The following NME8 variants were observed in gnomAD, a reference collection of about 807,000 sequenced individuals.
NME8 encodes the protein NME/NM23 family member 8.
In NME8, 72 loss-of-function variants were observed where a neutral mutation model predicts 82.3. The ratio of observed to expected loss-of-function variants is 0.87; its 90% confidence interval spans 0.72 to 1.06. The LOEUF is 1.06. NME8 is among the 50% of genes least tolerant of loss of function. The pLI, the probability that NME8 is intolerant of heterozygous loss-of-function variation, is 0.00. For missense variants in NME8, 712 were observed against 685.4 expected (o/e 1.04, Z -0.43); for synonymous variants, 267 against 228.5 (o/e 1.17, Z -1.52).
At chr7:37,874,719 C>G (rs184232657) in intron 11 of NME8, among the ~76,000 whole-genome samples, 2 of 151,780 alleles carry the variant, frequency 1.3e-5, no homozygotes, top group Admixed American at 6.6e-5. Context: ...TTAATTTTCC[C>G]GTCACATATA....
At chr7:37,886,249 A>G (rs1442533284) in intron 14 of NME8, among the ~76,000 whole-genome samples, 1 of 152,168 alleles carries the variant, frequency 6.6e-6, no homozygotes, top group East Asian at 1.9e-4. Flanking sequence ...ATAGAGTGCA[A>G]TGCATGCTAC....
At chr7:37,849,841 A>C in intron 2 of NME8, among the ~76,000 whole-genome samples, 1 of 146,118 alleles carries the variant, frequency 6.8e-6, no homozygotes, top group East Asian at 2.0e-4. Context: ...ACTGCACTCC[A>C]GTCTGGCAAC....
At chr7:37,875,267 G>A (rs1045895476) in intron 11 of NME8, among the ~76,000 whole-genome samples, 11 of 152,166 alleles carry the variant, frequency 7.2e-5, no homozygotes, top group African/African-American at 2.4e-4. Context: ...AGATAAGATG[G>A]TATTAGAAAA....
In NME8 at chr7:37,857,326, C is replaced by G; in HGVS notation, c.251C>G (p.Pro84Arg). 6.2e-7 allele frequency: 1 copy of G among 1,609,598 alleles called. No homozygotes were observed. The highest frequency in any genetic ancestry group is 8.5e-7 in the Non-Finnish European group (1 of 1,176,562). Residue 84 changes from proline (P) to arginine (R), a missense_variant, in exon 6 of 18, where the codon CCT becomes CGT. Transcript: ENST00000199447. ...TLQPFRDKCE[P>R]VFLFSVNGKI... ...CAGCCATTTAGAGATAAATGTGAACCTGTTTTTCTCTTTAGTGTTGTAAGT... is the reference window on the plus strand; with the variant it reads ...CAGCCATTTAGAGATAAATGTGAACGTGTTTTTCTCTTTAGTGTTGTAAGT...
chr7:37,863,319 C>G (rs1175584561), intron 7 of NME8, 77 bp from the exon 8 acceptor site: 4 of 843,548 alleles, frequency 4.7e-6, no homozygotes, highest in Admixed American at 1.7e-5. Flanking sequence ...TTACTAGATA[C>G]AAAATTTCTA....
intron 15 of NME8, among the ~76,000 whole-genome samples, chr7:37,892,803 AT>A (rs1395549997): frequency 1.3e-5 from 2 of 151,790 alleles, no homozygotes; most frequent in Non-Finnish European, 2.9e-5. Context: ...ATGATTTATG[AT>A]TTTTTTAATG....
At chr7:37,879,318 T>C (rs1245307046) in intron 12 of NME8, among the ~76,000 whole-genome samples, 1 of 152,064 alleles carries the variant, frequency 6.6e-6, no homozygotes, top group Admixed American at 6.5e-5. Context: ...GGCTAATTTT[T>C]GTATTTTTAG....
chr7:37,884,513 C>T, intron 13 of NME8, 66 bp downstream of exon 13: 1 of 1,445,674 alleles, frequency 6.9e-7, no homozygotes, highest in Non-Finnish European at 9.7e-7. Context: ...TCTCTTAAGT[C>T]TGGTTTCTAT....
chr7:37,878,410 T>C (rs1453861223), intron 12 of NME8, among the ~76,000 whole-genome samples: 1 of 152,156 alleles, frequency 6.6e-6, no homozygotes, highest in Non-Finnish European at 1.5e-5. Flanking sequence ...TGTTGATTTC[T>C]TTTCTTGTAA....
intron 10 of NME8, 87 bp from the exon 11 acceptor site, chr7:37,867,615 G>A: frequency 1.1e-6 from 1 of 923,652 alleles, no homozygotes. Context: ...GGAGAGGGAA[G>A]ATTTCATTTG....
chr7:37,874,212 C>T (rs1784813912), intron 11 of NME8, among the ~76,000 whole-genome samples: 1 of 152,118 alleles, frequency 6.6e-6, no homozygotes, highest in Non-Finnish European at 1.5e-5. Context: ...TCTCTGAACA[C>T]ACACACAGAC....
At chr7:37,870,375 G>T (rs764463261) in intron 11 of NME8, among the ~76,000 whole-genome samples, 1 of 152,026 alleles carries the variant, frequency 6.6e-6, no homozygotes, top group Non-Finnish European at 1.5e-5. Context: ...CAGATCATGA[G>T]GTCAGGAGAT....
chr7:37,898,665 G>A (rs763049624), intron 17 of NME8, among the ~76,000 whole-genome samples: 22 of 152,286 alleles, frequency 1.4e-4, no homozygotes, highest in Non-Finnish European at 2.6e-4. Flanking sequence ...CCTAGAACAA[G>A]CAATTATAGA....
intron 7 of NME8, 35 bp from the exon 8 acceptor site, chr7:37,863,361 C>T (rs1784626903): frequency 8.0e-7 from 1 of 1,249,736 alleles, no homozygotes; most frequent in Non-Finnish European, 1.2e-6. Context: ...TAAAACATAA[C>T]TGTGTTATCT....
chr7:37,896,816 C>T lies in NME8; in HGVS notation c.1545-54C>T. On this transcript the variant is annotated intron_variant, in intron 16 of 17. Coordinates refer to ENST00000199447, the MANE Select transcript of NME8 (RefSeq NM_016616.5). Reference sequence around the variant, plus strand: ...AGTGTTCTGTCTTTAGCCTTGTTTGCAGTGTCAACAGTTTTCAGTAGGCTG... The same window carrying T: ...AGTGTTCTGTCTTTAGCCTTGTTTGTAGTGTCAACAGTTTTCAGTAGGCTG... The T allele has an allele frequency of 2.1e-6, 3 of 1,444,800 alleles. No homozygotes were observed. In the South Asian group the frequency reaches 3.4e-5, roughly 16 times the overall value. The allele number at this position is 1,444,800 out of a possible 1,614,324, so 89.5% of individuals were successfully genotyped here.
At chr7:37,860,129 C>A (rs1031421617) in intron 6 of NME8, among the ~76,000 whole-genome samples, 1 of 152,164 alleles carries the variant, frequency 6.6e-6, no homozygotes, top group Non-Finnish European at 1.5e-5. Context: ...TTCATTTAAA[C>A]CTTACTCAAC....
intron 17 of NME8, among the ~76,000 whole-genome samples, chr7:37,899,997 G>A (rs1357841496): frequency 6.6e-6 from 1 of 152,136 alleles, no homozygotes; most frequent in Admixed American, 6.5e-5. Flanking sequence ...AACGGGTTGG[G>A]TAGAAATCTT....
intron 11 of NME8, among the ~76,000 whole-genome samples, chr7:37,874,278 A>G (rs1784815065): frequency 6.6e-6 from 1 of 152,216 alleles, no homozygotes; most frequent in Non-Finnish European, 1.5e-5. Context: ...AGGACTCTAG[A>G]AATAGAAGAA....
At chr7:37,882,682 A>C (rs1784982232) in intron 12 of NME8, among the ~76,000 whole-genome samples, 1 of 152,090 alleles carries the variant, frequency 6.6e-6, no homozygotes. Context: ...AAAGGTCAAC[A>C]AGGTGTTCGG....
Sources: gnomAD v4.1 joint callset for allele counts (sites outside exome capture counted in the v4.1 genomes callset) on GRCh38, gnomAD v4.1.1 for gene constraint, MANE v1.5 for transcripts, NCBI Gene and HGNC (gene_info 2026-07-23, HGNC 2026-07-21) for gene names.